The following KCNQ1 variants were observed in gnomAD, a reference collection of about 807,000 sequenced individuals.
KCNQ1 encodes potassium voltage-gated channel subfamily Q member 1, also known as potassium voltage-gated channel subfamily KQT member 1.
A neutral mutation model predicts 72.4 loss-of-function variants in KCNQ1; 49 were observed. The observed-to-expected ratio is 0.68, with a 90% CI of 0.54 to 0.86. The LOEUF is 0.86. Ranked by LOEUF, KCNQ1 falls within the 40% of genes least tolerant of loss-of-function variation. The pLI is 0.00. For missense variants in KCNQ1, 790 were observed against 945.1 expected (o/e 0.84, Z 2.15); for synonymous variants, 450 against 412.6 (o/e 1.09, Z -1.10).
At chr11:2,545,407 A>T (rs1847890266) in intron 2 of KCNQ1, among the ~76,000 whole-genome samples, 1 of 152,152 alleles carries the variant, frequency 6.6e-6, no homozygotes, top group Admixed American at 6.5e-5. Flanking sequence ...GTAGGCCTGG[A>T]CTTTGCTTGA....
chr11:2,578,402 C>T (rs1414055738), intron 6 of KCNQ1, among the ~76,000 whole-genome samples: 4 of 152,198 alleles, frequency 2.6e-5, no homozygotes, highest in African/African-American at 9.6e-5. Flanking sequence ...GGGCATTGTC[C>T]CACATCCCCT....
chr11:2,653,277 G>T lies in KCNQ1; in HGVS notation c.1394-8684G>T. 1 of 398,744 alleles carries T rather than the reference G, an allele frequency of 2.5e-6. No homozygotes were observed. Among genetic ancestry groups the T allele is most frequent in the Non-Finnish European group, 4.4e-6 (1 of 226,124 alleles). 24.7% of individuals were successfully genotyped at this position (398,744 alleles called of 1,614,324 possible). ...TCCCTGCCCTCTGCCCTGAAAACTAGTGGGGGCAGTGCAGACCAGTTTAGC... is the reference window on the plus strand; with the variant it reads ...TCCCTGCCCTCTGCCCTGAAAACTATTGGGGGCAGTGCAGACCAGTTTAGC... On this transcript the variant is annotated intron_variant, in intron 10 of 15. Transcript: ENST00000155840. The surrounding 1 kb of genome is among the most constrained non-coding windows in gnomAD (Gnocchi z 5.3).
chr11:2,487,249 G>C (rs997638797), intron 1 of KCNQ1, among the ~76,000 whole-genome samples: 1 of 152,202 alleles, frequency 6.6e-6, no homozygotes, highest in African/African-American at 2.4e-5. Context: ...CTTTTTGCCT[G>C]TGTCACACTG....
At position 2,653,966 on chromosome 11, in the gene KCNQ1, A is replaced by G; in HGVS notation, c.1394-7995A>G. On this transcript the variant is annotated intron_variant, in intron 10 of 15. Coordinates refer to ENST00000155840, the MANE Select transcript of KCNQ1 (RefSeq NM_000218.3). The surrounding 1 kb of genome is among the most constrained non-coding windows in gnomAD (Gnocchi z 5.3). The stretch of plus-strand genomic sequence containing the variant: ...GGCAAAAACAACAGGTGTCCACTCA[A>G]GCAAGGTATTTTCCTAAGCGGAACT... The G allele has an allele frequency of 5.0e-6, 2 of 398,546 alleles. No homozygotes were observed. The highest frequency in any genetic ancestry group is 8.8e-6 in the Non-Finnish European group (2 of 226,088). The allele number at this position is 398,546 out of a possible 1,614,324, so 24.7% of individuals were successfully genotyped here.
rs1339775246 is a variant in KCNQ1 at position 2,479,439 on chromosome 11, T to G, written c.386+33955T>G. Among the ~76,000 whole-genome samples, 2 of 152,242 alleles carry G rather than the reference T, an allele frequency of 1.3e-5. No individual in the cohort carries two copies. Among genetic ancestry groups the G allele is most frequent in the East Asian group, 1.9e-4 (1 of 5,202 alleles). ...TCCATACCTCAATTCTTGACTTCTG[T>G]GCACCCACAGGCTCAACACCACATG... On this transcript the variant is annotated intron_variant, in intron 1 of 15. Coordinates refer to ENST00000155840, the MANE Select transcript of KCNQ1 (RefSeq NM_000218.3). This position sits in a 1 kb window ranked among gnomAD's most constrained non-coding sequence, Gnocchi z 4.6.
intron 10 of KCNQ1, chr11:2,644,428 G>T (rs182140821): frequency 2.4e-4 from 95 of 398,180 alleles, no homozygotes; most frequent in African/African-American, 1.8e-3. Flanking sequence ...TATCTGTTTG[G>T]TTCTTTTTAT....
intron 1 of KCNQ1, among the ~76,000 whole-genome samples, chr11:2,521,306 GT>G (rs1847378204): frequency 6.6e-6 from 1 of 152,104 alleles, no homozygotes; most frequent in Non-Finnish European, 1.5e-5. Flanking sequence ...CGGCCCCGCT[GT>G]CCGCTTCCCT....
At position 2,447,589 on chromosome 11, in the gene KCNQ1, A is replaced by C. The variant is rs989560727; in HGVS notation, c.386+2105A>C. ...TCTTGAGGGGAGACCTGGTCATAGA[A>C]CCAGGATGGCAGAGTAGCTGGAGGC... On this transcript the variant is annotated intron_variant, in intron 1 of 15. Transcript: ENST00000155840. This position sits in a 1 kb window ranked among gnomAD's most constrained non-coding sequence, Gnocchi z 7.6. Among the ~76,000 whole-genome samples, 2 of 152,112 alleles carry C rather than the reference A, an allele frequency of 1.3e-5. No individual in the cohort carries two copies. The highest frequency in any genetic ancestry group is 2.4e-5 in the African/African-American group (1 of 41,404).
intron 10 of KCNQ1, chr11:2,610,355 A>G (rs1247207066): frequency 2.5e-6 from 1 of 398,238 alleles, no homozygotes; most frequent in Non-Finnish European, 4.4e-6. Flanking sequence ...TGATCATACT[A>G]TATAATGATA....
In KCNQ1 at chr11:2,841,606, G is replaced by A. The variant is rs572279040; in HGVS notation, c.1795-6161G>A. On this transcript the variant is annotated intron_variant, in intron 15 of 15. Transcript: ENST00000155840. ...CGGCTTGGGAGGAATCTGAGCTCCC[G>A]CTGGGACACGCTGAGCTGTGGGGCT... Among the ~76,000 whole-genome samples, 12 of 152,226 alleles carry A rather than the reference G, an allele frequency of 7.9e-5. No homozygotes were observed. In the South Asian group the frequency reaches 1.0e-3, roughly 13 times the overall value.
rs1189564574 is a variant in KCNQ1, at chr11:2,848,546, A to G, written c.*543A>G. Reference sequence around the variant, plus strand: ...GGCCTGGCTCCCTCACTCTCAGGAAATGCTGACCCATGGGCAGGAGACTGT... The same window carrying G: ...GGCCTGGCTCCCTCACTCTCAGGAAGTGCTGACCCATGGGCAGGAGACTGT... On this transcript the variant is annotated 3_prime_UTR_variant, in exon 16 of 16. Transcript: ENST00000155840. The G allele has an allele frequency of 2.2e-6, 1 of 454,436 alleles. No individual in the cohort carries two copies. Among genetic ancestry groups the G allele is most frequent in the Non-Finnish European group, 4.4e-6 (1 of 226,958 alleles). The allele number at this position is 454,436 out of a possible 1,614,324, so 28.2% of individuals were successfully genotyped here. A position where few individuals can be genotyped will look rare whatever the true frequency, so the allele number is the denominator to read the frequency against.
At chr11:2,702,661 C>G (rs948092366) in intron 11 of KCNQ1, among the ~76,000 whole-genome samples, 1 of 152,210 alleles carries the variant, frequency 6.6e-6, no homozygotes, top group Non-Finnish European at 1.5e-5. Flanking sequence ...CCTGGAACCT[C>G]AGACCCCAAG....
At chr11:2,557,695 T>C (rs1045565133) in intron 2 of KCNQ1, among the ~76,000 whole-genome samples, 37 of 152,170 alleles carry the variant, frequency 2.4e-4, no homozygotes, top group Non-Finnish European at 1.2e-4. Context: ...CTGCATGGAT[T>C]CCTCACATCT....
rs536456991 is a variant in KCNQ1, at chr11:2,460,236, TGGGCAGGCC to T, written c.386+14760_386+14768del. Among the ~76,000 whole-genome samples, 92 of 152,284 alleles carry T rather than the reference TGGGCAGGCC, an allele frequency of 6.0e-4. 1 individual carries two copies. The South Asian group carries it at 0.016, about 26-fold the overall frequency. Reference sequence around the variant, plus strand: ...AGTCCCTGCGTGACCTGATTCTCTGTGGGCAGGCCGGGCAGGGTGGCTGCAGGGCGGCGG... The same window carrying T: ...AGTCCCTGCGTGACCTGATTCTCTGTGGGCAGGGTGGCTGCAGGGCGGCGG... On this transcript the variant is annotated intron_variant, in intron 1 of 15. Transcript: ENST00000155840.
intron 1 of KCNQ1, among the ~76,000 whole-genome samples, chr11:2,455,160 A>G (rs993352821): frequency 1.3e-5 from 2 of 150,930 alleles, no homozygotes; most frequent in South Asian, 2.1e-4. Context: ...TGCAGTGATG[A>G]GATCTTGGCT....
chr11:2,742,142 C>G (rs1846064436), intron 11 of KCNQ1, among the ~76,000 whole-genome samples: 1 of 152,276 alleles, frequency 6.6e-6, no homozygotes, highest in African/African-American at 2.4e-5. Context: ...CTTGCCCTGC[C>G]TCTGCCCTGA....
In KCNQ1 at chr11:2,608,613, C is replaced by T; in HGVS notation, c.1393+19759C>T. The T allele has an allele frequency of 2.5e-6, 1 of 398,498 alleles. No individual in the cohort carries two copies. Among genetic ancestry groups the T allele is most frequent in the East Asian group, 3.6e-5 (1 of 28,064 alleles). 24.7% of individuals were successfully genotyped at this position (398,498 alleles called of 1,614,324 possible). ...CCCTTAGCCTATGACAGGTGTGCACCACAACACCAGCTGTTATTCAAAAAA... is the reference window on the plus strand; with the variant it reads ...CCCTTAGCCTATGACAGGTGTGCACTACAACACCAGCTGTTATTCAAAAAA... On this transcript the variant is annotated intron_variant, in intron 10 of 15. Coordinates refer to ENST00000155840, the MANE Select transcript of KCNQ1 (RefSeq NM_000218.3). This position sits in a 1 kb window ranked among gnomAD's most constrained non-coding sequence, Gnocchi z 4.6.
chr11:2,848,132 A>G lies in KCNQ1; in HGVS notation c.*129A>G, dbSNP rs1429926996. The G allele has an allele frequency of 1.1e-5, 9 of 811,180 alleles. No homozygotes were observed. The highest frequency in any genetic ancestry group is 4.3e-5 in the South Asian group (3 of 69,004). The allele number at this position is 811,180 out of a possible 1,614,324, so 50.2% of individuals were successfully genotyped here. A position where few individuals can be genotyped will look rare whatever the true frequency, so the allele number is the denominator to read the frequency against. Reference sequence around the variant, plus strand: ...AAGAGCCCCACTCTCAGAGGCCCCAATACCCCATGGACCATGCTGTCTGGC... The same window carrying G: ...AAGAGCCCCACTCTCAGAGGCCCCAGTACCCCATGGACCATGCTGTCTGGC... On this transcript the variant is annotated 3_prime_UTR_variant, in exon 16 of 16. Coordinates refer to ENST00000155840, the MANE Select transcript of KCNQ1 (RefSeq NM_000218.3).
chr11:2,662,107 G>T, intron 11 of KCNQ1, 26 bp downstream of exon 11: 1 of 1,614,018 alleles, frequency 6.2e-7, no homozygotes, highest in South Asian at 1.1e-5. Context: ...TGCGTGAAGG[G>T]CTGGGCTGGA....
Sources: gnomAD v4.1 joint callset for allele counts (sites outside exome capture counted in the v4.1 genomes callset) on GRCh38, gnomAD v4.1.1 for gene constraint, Gnocchi (gnomAD v3.1) non-coding constraint, MANE v1.5 for transcripts, NCBI Gene and HGNC (gene_info 2026-07-23, HGNC 2026-07-21) for gene names.